The following MEGF9 variants were observed in gnomAD, a reference collection of about 807,000 sequenced individuals.
MEGF9 encodes the protein multiple epidermal growth factor-like domains protein 9.
Under a neutral mutation model 46.8 loss-of-function variants are expected in MEGF9, and 6 were observed. The observed-to-expected ratio is 0.13, with a 90% CI of 0.07 to 0.25. MEGF9 has a LOEUF of 0.25. Ranked by LOEUF, MEGF9 falls within the 10% of genes least tolerant of loss-of-function variation. MEGF9 has a pLI of 1.00. For synonymous variants in MEGF9, 302 were observed against 330.7 expected, an observed-to-expected ratio of 0.91 and a Z score of 0.94; for missense variants, 683 against 792.4, an observed-to-expected ratio of 0.86 and a Z score of 1.66.
chr9:120,713,584 C>G (rs1029599393), intron 1 of MEGF9, among the ~76,000 whole-genome samples, 174 bp downstream of exon 1: 2 of 152,182 alleles, frequency 1.3e-5, no homozygotes, highest in Admixed American at 1.3e-4. Context: ...AAAAGACTTT[C>G]CAGATTGATC....
intron 1 of MEGF9, among the ~76,000 whole-genome samples, chr9:120,703,288 A>G (rs1449049447): frequency 6.6e-6 from 1 of 152,212 alleles, no homozygotes; most frequent in African/African-American, 2.4e-5. Context: ...CACTAATTCA[A>G]TCACTAAATA....
At chr9:120,641,789 C>T (rs1384435198) in intron 2 of MEGF9, among the ~76,000 whole-genome samples, 2 of 152,194 alleles carry the variant, frequency 1.3e-5, no homozygotes, top group Non-Finnish European at 2.9e-5. Flanking sequence ...AAGCTACTTA[C>T]TTTCCACTTC....
intron 1 of MEGF9, among the ~76,000 whole-genome samples, chr9:120,675,578 G>A: frequency 6.6e-6 from 1 of 152,010 alleles, no homozygotes. Context: ...GGGCAACAGA[G>A]TGAGACCCTG....
At chr9:120,685,666 G>A (rs1587995370) in intron 1 of MEGF9, among the ~76,000 whole-genome samples, 1 of 152,052 alleles carries the variant, frequency 6.6e-6, no homozygotes, top group South Asian at 2.1e-4. Flanking sequence ...AAACAGTATC[G>A]CAGTTTCCCA....
chr9:120,650,648 T>C (rs988236148), intron 2 of MEGF9, among the ~76,000 whole-genome samples: 4 of 152,248 alleles, frequency 2.6e-5, no homozygotes, highest in African/African-American at 9.6e-5. Flanking sequence ...AAAAGCCAAT[T>C]GTTAGTTCCA....
In MEGF9 at chr9:120,605,474, A is replaced by G; in HGVS notation, c.1525T>C (p.Ser509Pro). The G allele has an allele frequency of 6.2e-7, 1 of 1,614,006 alleles. No individual in the cohort carries two copies. Among genetic ancestry groups the G allele is most frequent in the Non-Finnish European group, 8.5e-7 (1 of 1,179,884 alleles). ...ATGATGATGTTAAATTGGGTCCATG[A>G]TACATCAGCTAAAGCTGAAGTGCTG... ...ENSTSALADVSWTQFNIIILT... is the reference protein window; with the variant it reads ...ENSTSALADVPWTQFNIIILT... The change falls in exon 6 of 6, where the codon TCA becomes CCA. Residue 509 changes from serine (S) to proline (P), a missense_variant. Physicochemically the swap from Ser to Pro is moderately conservative, Grantham distance 74. Transcript: ENST00000373930. This position sits in a 1 kb window ranked among gnomAD's most constrained non-coding sequence, Gnocchi z 4.0.
intron 1 of MEGF9, among the ~76,000 whole-genome samples, chr9:120,675,745 G>A (rs1017692054): frequency 3.3e-5 from 5 of 151,594 alleles, no homozygotes; most frequent in African/African-American, 7.3e-5. Flanking sequence ...AAAATTAGCC[G>A]GGTGTGGTGG....
At chr9:120,675,907 A>AG (rs2043771467) in intron 1 of MEGF9, among the ~76,000 whole-genome samples, 1 of 151,426 alleles carries the variant, frequency 6.6e-6, no homozygotes, top group Non-Finnish European at 1.5e-5. Flanking sequence ...AAAAAAAAAA[A>AG]AAACAACCTA....
intron 4 of MEGF9, among the ~76,000 whole-genome samples, chr9:120,611,087 A>C: frequency 6.6e-6 from 1 of 152,188 alleles, no homozygotes; most frequent in East Asian, 1.9e-4. Context: ...ACAAAGGCAG[A>C]TAGTAAGTGT....
intron 2 of MEGF9, among the ~76,000 whole-genome samples, chr9:120,652,166 ACACAC>A (rs2043653275): frequency 1.2e-4 from 5 of 41,094 alleles, no homozygotes; most frequent in African/African-American, 2.4e-4. Flanking sequence ...ACACACACAC[ACACAC>A]ACACACACAC....
intron 1 of MEGF9, among the ~76,000 whole-genome samples, chr9:120,703,510 A>T (rs2043914419): frequency 6.6e-6 from 1 of 152,268 alleles, no homozygotes; most frequent in Non-Finnish European, 1.5e-5. Context: ...ACGTAAAAAA[A>T]TCCTTATAGG....
chr9:120,656,249 T>C (rs981132086), intron 2 of MEGF9, among the ~76,000 whole-genome samples: 1 of 152,016 alleles, frequency 6.6e-6, no homozygotes, highest in Non-Finnish European at 1.5e-5. Flanking sequence ...GGAGTTTTTG[T>C]AAAAATTAAA....
chr9:120,605,356 G>A lies in MEGF9; in HGVS notation c.1643C>T (p.Ala548Val), dbSNP rs753519832. Residue 548 changes from alanine (A) to valine (V), a missense_variant, in exon 6 of 6, where the codon GCC (alanine) becomes GTC (valine). This residue lies in a region of MEGF9 where 313 missense variants were observed against 421.1 expected (regional missense o/e 0.74). Coordinates refer to ENST00000373930, the MANE Select transcript of MEGF9 (RefSeq NM_001080497.3). The surrounding 1 kb of genome is among the most constrained non-coding windows in gnomAD (Gnocchi z 4.0). ...TTTCAGCTCGATGGTCCAAAAGGGG[G>A]CATTGAGTTTCCGGTTTTGGTACTC... Reference protein sequence around the residue: ...YREYQNRKLNAPFWTIELKED... With the variant: ...YREYQNRKLNVPFWTIELKED... 2.5e-6 allele frequency: 4 copies of A among 1,613,982 alleles called. No individual in the cohort carries two copies. The highest frequency in any genetic ancestry group is 3.4e-6 in the Non-Finnish European group (4 of 1,179,894).
chr9:120,628,589 C>T (rs928564165), intron 2 of MEGF9, among the ~76,000 whole-genome samples: 2 of 146,132 alleles, frequency 1.4e-5, no homozygotes, highest in Non-Finnish European at 1.5e-5. Context: ...CAATTCCCAA[C>T]GGTCATGCAA....
At chr9:120,711,871 A>ACACACACAC (rs145059704) in intron 1 of MEGF9, among the ~76,000 whole-genome samples, 1,849 of 150,100 alleles carry the variant, frequency 0.012, 43 homozygotes, top group African/African-American at 0.044. Context: ...ACACACACAC[A>ACACACACAC]CCCACAGGCC....
chr9:120,603,098 C>A lies in MEGF9; in HGVS notation c.*2092G>T, dbSNP rs1382887376. ...CAGCTTTCTTGTGTCCATGGCTAGGCAATTTCTGCATATAGTTGAAAAAAC... is the reference window on the plus strand; with the variant it reads ...CAGCTTTCTTGTGTCCATGGCTAGGAAATTTCTGCATATAGTTGAAAAAAC... On this transcript the variant is annotated 3_prime_UTR_variant, in exon 6 of 6. Transcript: ENST00000373930. 1.3e-5 allele frequency: 2 copies of A among 152,164 alleles called. No individual in the cohort carries two copies. The highest frequency in any genetic ancestry group is 2.9e-5 in the Non-Finnish European group (2 of 68,030). 9.4% of individuals were successfully genotyped at this position (152,164 alleles called of 1,614,324 possible). A position where few individuals can be genotyped will look rare whatever the true frequency, so the allele number is the denominator to read the frequency against.
At chr9:120,658,278 C>T (rs753875663) in intron 2 of MEGF9, among the ~76,000 whole-genome samples, 10 of 152,134 alleles carry the variant, frequency 6.6e-5, no homozygotes, top group Non-Finnish European at 1.2e-4. Context: ...TGAGCCACCG[C>T]GCCCAGCCTC....
At chr9:120,703,832 G>A (rs2043915840) in intron 1 of MEGF9, among the ~76,000 whole-genome samples, 1 of 152,092 alleles carries the variant, frequency 6.6e-6, no homozygotes, top group South Asian at 2.1e-4. Flanking sequence ...AATTAGCTGG[G>A]TGTGGTGGTG....
At chr9:120,608,658 C>G (rs1564411155) in intron 4 of MEGF9, among the ~76,000 whole-genome samples, 1 of 152,150 alleles carries the variant, frequency 6.6e-6, no homozygotes, top group Non-Finnish European at 1.5e-5. Flanking sequence ...TCCTGTACAC[C>G]TGGATCCACA....
Sources: allele counts gnomAD v4.1 joint callset (sites outside exome capture counted in the v4.1 genomes callset), GRCh38; gene constraint gnomAD v4.1.1; regional missense constraint gnomAD v4.1.1; non-coding constraint Gnocchi (gnomAD v3.1); transcripts MANE v1.5; gene names NCBI Gene and HGNC (gene_info 2026-07-23, HGNC 2026-07-21).